Variants in FAM53B observed in about 807,000 individuals in gnomAD.
The protein encoded by FAM53B is family with sequence similarity 53 member B, also known as protein FAM53B.
Under a neutral mutation model 32.7 loss-of-function variants are expected in FAM53B, and 12 were observed. The ratio of observed to expected loss-of-function variants is 0.37; its 90% CI spans 0.24 to 0.59. The LOEUF (loss-of-function observed/expected upper bound fraction) is 0.59, where lower values mean the gene tolerates loss of function less well. FAM53B is among the 20% of genes least tolerant of loss of function. The pLI, the probability that FAM53B is intolerant of heterozygous loss-of-function variation, is 0.72. For missense variants in FAM53B, 477 were observed against 577.7 expected, an observed-to-expected ratio of 0.83 and a Z score of 1.79; for synonymous variants, 234 against 228.7, an observed-to-expected ratio of 1.02 and a Z score of -0.21.
At chr10:124,700,575 G>A (rs1564881520) in intron 2 of FAM53B, among the ~76,000 whole-genome samples, 1 of 152,168 alleles carries the variant, frequency 6.6e-6, no homozygotes, top group Admixed American at 6.5e-5. Flanking sequence ...CTCAGATCAC[G>A]AGAGAAGGTT....
intron 4 of FAM53B, among the ~76,000 whole-genome samples, chr10:124,655,620 G>C (rs1321561997): frequency 6.6e-6 from 1 of 152,270 alleles, no homozygotes; most frequent in South Asian, 2.1e-4. Flanking sequence ...CAGAGCTGGG[G>C]CTCCTGACTG....
At chr10:124,634,519 T>A (rs1210786259) in intron 4 of FAM53B, among the ~76,000 whole-genome samples, 1 of 152,216 alleles carries the variant, frequency 6.6e-6, no homozygotes. Flanking sequence ...CGAGAGCTGA[T>A]GGTTTTATAA....
intron 4 of FAM53B, among the ~76,000 whole-genome samples, chr10:124,675,239 G>C (rs1158274653): frequency 6.6e-6 from 1 of 152,174 alleles, no homozygotes. Context: ...CTGGGTGACA[G>C]AGCAACACTC....
chr10:124,741,802 C>T (rs1200731047), intron 1 of FAM53B, among the ~76,000 whole-genome samples: 2 of 152,176 alleles, frequency 1.3e-5, no homozygotes, highest in African/African-American at 2.4e-5. Flanking sequence ...AAGAACTTTG[C>T]GTACTTTCAA....
At chr10:124,674,035 A>G (rs1298072951) in intron 4 of FAM53B, among the ~76,000 whole-genome samples, 2 of 152,170 alleles carry the variant, frequency 1.3e-5, no homozygotes, top group African/African-American at 2.4e-5. Context: ...TGTTCCAACG[A>G]CAGTGCACCT....
chr10:124,663,396 A>T (rs1589742728), intron 4 of FAM53B, among the ~76,000 whole-genome samples: 1 of 152,236 alleles, frequency 6.6e-6, no homozygotes, highest in South Asian at 2.1e-4. Flanking sequence ...GAGAAAGGCC[A>T]GCACTGGAGC....
chr10:124,707,692 T>C (rs376469796), intron 1 of FAM53B, among the ~76,000 whole-genome samples: 2 of 152,130 alleles, frequency 1.3e-5, no homozygotes, highest in Admixed American at 6.5e-5. Context: ...TGAGCCAAGA[T>C]TGCACCACGG....
chr10:124,742,451 C>T (rs567219032), intron 1 of FAM53B: 1 of 152,396 alleles, frequency 6.6e-6, no homozygotes, highest in South Asian at 2.1e-4. Flanking sequence ...TCCATTCCTT[C>T]CCAAGTCCTC....
At chr10:124,727,988 C>G (rs1209811106) in intron 1 of FAM53B, among the ~76,000 whole-genome samples, 1 of 152,148 alleles carries the variant, frequency 6.6e-6, no homozygotes, top group Admixed American at 6.5e-5. Flanking sequence ...CCACATCTGG[C>G]CCCCAGACCC....
intron 2 of FAM53B, 144 bp downstream of exon 2, chr10:124,706,492 C>T (rs1949959161): frequency 2.7e-5 from 25 of 935,908 alleles, no homozygotes; most frequent in Non-Finnish European, 4.0e-5. Context: ...TGCCCTGTTG[C>T]CCCAGCCCGG....
chr10:124,699,606 C>T (rs1275920193), intron 2 of FAM53B, among the ~76,000 whole-genome samples: 4 of 152,268 alleles, frequency 2.6e-5, no homozygotes, highest in African/African-American at 4.8e-5. Context: ...TGAAACCGCG[C>T]AGCCCAGTGG....
At chr10:124,674,903 C>T (rs2134064800) in intron 4 of FAM53B, among the ~76,000 whole-genome samples, 1 of 152,350 alleles carries the variant, frequency 6.6e-6, no homozygotes, top group Middle Eastern at 3.4e-3. Context: ...CCGGGGCTCT[C>T]ATCTGAGCGG....
chr10:124,697,690 G>A (rs1949883013), intron 2 of FAM53B, among the ~76,000 whole-genome samples: 1 of 152,104 alleles, frequency 6.6e-6, no homozygotes, highest in Non-Finnish European at 1.5e-5. Context: ...TGGAGGTCGG[G>A]GCAGCCTCCT....
intron 1 of FAM53B, among the ~76,000 whole-genome samples, chr10:124,708,677 C>T (rs1326951729): frequency 6.6e-6 from 1 of 152,232 alleles, no homozygotes; most frequent in Non-Finnish European, 1.5e-5. Flanking sequence ...TCAAAGGGGC[C>T]TTTTGTGCCT....
intron 4 of FAM53B, chr10:124,623,832 C>T: frequency 1.9e-6 from 1 of 516,744 alleles, no homozygotes; most frequent in East Asian, 3.4e-5. Flanking sequence ...CCACTATTCA[C>T]CTACTAACTC....
intron 4 of FAM53B, among the ~76,000 whole-genome samples, chr10:124,673,802 C>T (rs1314261658): frequency 6.6e-6 from 1 of 152,240 alleles, no homozygotes; most frequent in African/African-American, 2.4e-5. Flanking sequence ...GGTACTGGGG[C>T]TCTGCCCCAG....
chr10:124,740,572 A>G (rs1950194101), intron 1 of FAM53B, among the ~76,000 whole-genome samples: 1 of 152,244 alleles, frequency 6.6e-6, no homozygotes, highest in Admixed American at 6.5e-5. Context: ...CAGCTATTAC[A>G]GTGCCGTCCC....
At chr10:124,694,722 G>A (rs761065968) in intron 3 of FAM53B, among the ~76,000 whole-genome samples, 1 of 152,206 alleles carries the variant, frequency 6.6e-6, no homozygotes, top group African/African-American at 2.4e-5. Context: ...GGGCCCTGAG[G>A]GTTTGCTGAA....
At chr10:124,675,603 C>A (rs1310277168) in intron 4 of FAM53B, among the ~76,000 whole-genome samples, 1 of 152,224 alleles carries the variant, frequency 6.6e-6, no homozygotes, top group Non-Finnish European at 1.5e-5. Context: ...AGACATGAGG[C>A]CTGGGGCACA....
Sources: allele counts gnomAD v4.1 joint callset (sites outside exome capture counted in the v4.1 genomes callset), GRCh38; gene constraint gnomAD v4.1.1; transcripts MANE v1.5; gene names NCBI Gene and HGNC (gene_info 2026-07-23, HGNC 2026-07-21).